The following EZH2 variants were observed in gnomAD, a reference collection of about 807,000 sequenced individuals.
The protein encoded by EZH2 is histone-lysine N-methyltransferase EZH2.
Under a neutral mutation model 98.4 loss-of-function variants are expected in EZH2, and 18 were observed. The ratio of observed to expected loss-of-function variants is 0.18; its 90% CI spans 0.13 to 0.27. EZH2 has a LOEUF of 0.27. Among genes scored for constraint, EZH2 ranks in the 10% least tolerant of loss-of-function variants. EZH2 has a pLI of 1.00. For missense variants in EZH2, 470 were observed against 935.1 expected, an observed-to-expected ratio of 0.50 and a Z score of 6.49; for synonymous variants, 338 against 312.3, an observed-to-expected ratio of 1.08 and a Z score of -0.87.
intron 3 of EZH2, 25 bp from the exon 4 acceptor site, chr7:148,832,775 C>G (rs757653087): frequency 7.0e-7 from 1 of 1,436,994 alleles, no homozygotes; most frequent in African/African-American, 1.4e-5. Context: ...ATAAAATTGA[C>G]TCTTAAGAAT....
At chr7:148,871,403 T>TAAAAAAAAAAAAAA (rs71529646) in intron 1 of EZH2, among the ~76,000 whole-genome samples, 1 of 88,752 alleles carries the variant, frequency 1.1e-5, no homozygotes, top group Non-Finnish European at 2.2e-5. Context: ...GACGAATAAT[T>TAAAAAAAAAAAAAA]AAAAAAAAAA....
intron 4 of EZH2, 86 bp downstream of exon 4, chr7:148,832,548 G>C (rs1809692588): frequency 2.7e-6 from 2 of 746,514 alleles, no homozygotes; most frequent in Non-Finnish European, 4.4e-6. Flanking sequence ...ATACTGTCTT[G>C]ATTCACCTTG....
At chr7:148,820,071 A>G (rs1013526329) in intron 8 of EZH2, among the ~76,000 whole-genome samples, 1 of 152,178 alleles carries the variant, frequency 6.6e-6, no homozygotes, top group African/African-American at 2.4e-5. Context: ...TCTGACATAC[A>G]ATTTCTTGAT....
chr7:148,868,896 G>C (rs1222591100), intron 1 of EZH2, among the ~76,000 whole-genome samples: 2 of 152,030 alleles, frequency 1.3e-5, no homozygotes. Flanking sequence ...CCAGTTACAT[G>C]CTATTTGTAA....
chr7:148,873,450 C>CCACT (rs1819704836), intron 1 of EZH2, among the ~76,000 whole-genome samples: 1 of 145,640 alleles, frequency 6.9e-6, no homozygotes, highest in Non-Finnish European at 1.5e-5. Context: ...CAAGATCCTG[C>CCACT]CACTGCACGC....
intron 1 of EZH2, among the ~76,000 whole-genome samples, chr7:148,882,222 T>C (rs546159852): frequency 1.3e-5 from 2 of 152,334 alleles, no homozygotes; most frequent in African/African-American, 2.4e-5. Flanking sequence ...TTATATTGCA[T>C]TTATTTGTCT....
At chr7:148,831,583 T>C (rs1360597138) in intron 4 of EZH2, among the ~76,000 whole-genome samples, 2 of 152,148 alleles carry the variant, frequency 1.3e-5, no homozygotes, top group Non-Finnish European at 2.9e-5. Context: ...CAAATTTAAA[T>C]AATATATTCT....
intron 1 of EZH2, among the ~76,000 whole-genome samples, chr7:148,854,903 G>C (rs1354686157): frequency 1.3e-5 from 2 of 152,146 alleles, no homozygotes; most frequent in Non-Finnish European, 2.9e-5. Context: ...GTAAGGATAA[G>C]AAAAACAATA....
rs186758732 is a variant in EZH2 at position 148,856,324 on chromosome 7, A to G, written c.-7-9019T>C. Among the ~76,000 whole-genome samples the G allele has an allele frequency of 4.6e-5, 7 of 152,380 alleles. No individual in the cohort carries two copies. In the East Asian group the frequency reaches 1.3e-3, roughly 29 times the overall value. ...TGCCAAGTTTCTCAATGTCACAGAA[A>G]GAAGTTACAAATAAGCAAGAGGTGG... On this transcript the variant is annotated intron_variant, in intron 1 of 19. Transcript: ENST00000320356.
Position 148,810,827 on chromosome 7 carries a change from C to G in EZH2, c.1948-413G>C, listed in dbSNP as rs150863668. Among the ~76,000 whole-genome samples the G allele has an allele frequency of 5.3e-3, 769 of 144,214 alleles. 9 individuals carry two copies. The highest frequency in any genetic ancestry group is 0.018 in the African/African-American group (689 of 38,202). 94.6% of individuals were successfully genotyped at this position (144,214 alleles called of 152,430 possible). On this transcript the variant is annotated intron_variant, in intron 16 of 19. Transcript: ENST00000320356. Reference sequence around the variant, plus strand: ...AGGAGAATCGCTTGAACCCGGGAGGCTGAGGTTGCGGTGAGCCAAAATCAC... The same window carrying G: ...AGGAGAATCGCTTGAACCCGGGAGGGTGAGGTTGCGGTGAGCCAAAATCAC...
At chr7:148,843,132 T>C (rs1188967314) in intron 3 of EZH2, among the ~76,000 whole-genome samples, 2 of 147,782 alleles carry the variant, frequency 1.4e-5, no homozygotes, top group Non-Finnish European at 3.0e-5. Context: ...CGCTTGAACC[T>C]GGGAGGCAGA....
At chr7:148,810,920 A>T (rs924527153) in intron 16 of EZH2, among the ~76,000 whole-genome samples, 9 of 151,662 alleles carry the variant, frequency 5.9e-5, no homozygotes, top group Non-Finnish European at 1.2e-4. Flanking sequence ...AAAAAAAAAA[A>T]AATTTGGGTG....
intron 15 of EZH2, among the ~76,000 whole-genome samples, chr7:148,813,386 G>C (rs1563199648): frequency 6.6e-6 from 1 of 150,584 alleles, no homozygotes; most frequent in South Asian, 2.1e-4. Flanking sequence ...AGTGTCTTTT[G>C]CTCAATCATT....
chr7:148,863,806 G>C (rs955792213), intron 1 of EZH2, among the ~76,000 whole-genome samples: 5 of 152,190 alleles, frequency 3.3e-5, no homozygotes, highest in Admixed American at 6.5e-5. Flanking sequence ...GAACAAAGAG[G>C]TATTATCAAG....
At position 148,846,467 on chromosome 7, in the gene EZH2, A is replaced by G; in HGVS notation, c.246+3T>C. 1 of 1,607,598 alleles carries G rather than the reference A, an allele frequency of 6.2e-7. No homozygotes were observed. The highest frequency in any genetic ancestry group is 8.5e-7 in the Non-Finnish European group (1 of 1,177,090). On this transcript the variant is annotated splice_donor_region_variant and intron_variant, in intron 3 of 19. Transcript: ENST00000320356. ...ATTACTACAACATGTTATGTTAACCAACCTCCCTAGTCCCGCGCAATGAGC... is the reference window on the plus strand; with the variant it reads ...ATTACTACAACATGTTATGTTAACCGACCTCCCTAGTCCCGCGCAATGAGC...
intron 1 of EZH2, among the ~76,000 whole-genome samples, chr7:148,864,551 T>C (rs1396814401): frequency 6.6e-6 from 1 of 151,948 alleles, no homozygotes; most frequent in East Asian, 1.9e-4. Flanking sequence ...CGTGATGGCA[T>C]GTGCCTATAG....
intron 1 of EZH2, among the ~76,000 whole-genome samples, chr7:148,856,551 C>A (rs1816866097): frequency 6.6e-6 from 1 of 152,184 alleles, no homozygotes; most frequent in South Asian, 2.1e-4. Flanking sequence ...ACTTTTGTTT[C>A]TAAATACCAC....
At position 148,841,411 on chromosome 7, in the gene EZH2, TAAA is replaced by T. The variant is rs1159008674; in HGVS notation, c.246+5056_246+5058del. 5.3e-5 allele frequency among the ~76,000 whole-genome samples: 8 copies of T among 152,100 alleles called. No individual in the cohort carries two copies. The South Asian group carries it at 1.7e-3, about 32-fold the overall frequency. On this transcript the variant is annotated intron_variant, in intron 3 of 19. Coordinates refer to ENST00000320356, the MANE Select transcript of EZH2 (RefSeq NM_004456.5). ...TCTCCAAGTAAATACCAATAATAGT[TAAA>T]AGAGGCAAGGAGCTACAGAAAGCAA...
At chr7:148,831,117 T>C (rs1809271520) in intron 4 of EZH2, among the ~76,000 whole-genome samples, 1 of 152,070 alleles carries the variant, frequency 6.6e-6, no homozygotes, top group African/African-American at 2.4e-5. Context: ...CACACAGGAC[T>C]AGTAGCAGCC....
Sources: allele counts gnomAD v4.1 joint callset (sites outside exome capture counted in the v4.1 genomes callset), GRCh38; gene constraint gnomAD v4.1.1; transcripts MANE v1.5; gene names NCBI Gene and HGNC (gene_info 2026-07-23, HGNC 2026-07-21).